The following FGFR1 variants were observed in gnomAD, a reference collection of about 807,000 sequenced individuals.
The protein encoded by FGFR1 is FGFR1/PLAG1 fusion.
FGFR1 carries 18 observed loss-of-function variants against 93.7 expected under a neutral mutation model. The ratio of observed to expected loss-of-function variants is 0.19; its 90% CI spans 0.13 to 0.28. FGFR1 has a LOEUF of 0.28. FGFR1 is among the 10% of genes least tolerant of loss of function. FGFR1 has a pLI of 1.00. For missense variants in FGFR1, 731 were observed against 1,080.4 expected, an observed-to-expected ratio of 0.68 and a Z score of 4.53; for synonymous variants, 448 against 429.3, an observed-to-expected ratio of 1.04 and a Z score of -0.54.
chr8:38,442,078 G>A (rs1429523113), intron 2 of FGFR1, among the ~76,000 whole-genome samples: 1 of 152,116 alleles, frequency 6.6e-6, no homozygotes, highest in Admixed American at 6.5e-5. Context: ...AACTGCCCCG[G>A]ATACCCTGGG....
At chr8:38,436,049 C>T (rs955464211) in intron 2 of FGFR1, among the ~76,000 whole-genome samples, 1 of 152,132 alleles carries the variant, frequency 6.6e-6, no homozygotes, top group African/African-American at 2.4e-5. Context: ...ACTGGCTGTT[C>T]ACTATTACAG....
At chr8:38,422,965 C>T (rs1819359579) in intron 7 of FGFR1, 2 of 768,096 alleles carry the variant, frequency 2.6e-6, no homozygotes, top group Non-Finnish European at 4.9e-6. Flanking sequence ...CCCGCCTGCC[C>T]CAGCAGCTTG....
At chr8:38,423,289 A>G in intron 7 of FGFR1, 1 of 582,170 alleles carries the variant, frequency 1.7e-6, no homozygotes, top group Non-Finnish European at 3.1e-6. Context: ...ATGTTAAGTG[A>G]GATTTATTAC....
At chr8:38,452,196 CACAG>C (rs1221808125) in intron 2 of FGFR1, among the ~76,000 whole-genome samples, 23 of 96,754 alleles carry the variant, frequency 2.4e-4, no homozygotes, top group African/African-American at 6.9e-4. Flanking sequence ...CACACAGACA[CACAG>C]ACACACACAC....
intron 2 of FGFR1, among the ~76,000 whole-genome samples, chr8:38,432,908 G>GCC (rs752109045): frequency 1.1e-3 from 50 of 47,474 alleles, no homozygotes; most frequent in South Asian, 4.2e-3. Context: ...TCCCCACCGC[G>GCC]CCCCCCCCCC....
At chr8:38,448,139 A>T (rs1225808976) in intron 2 of FGFR1, among the ~76,000 whole-genome samples, 5 of 152,234 alleles carry the variant, frequency 3.3e-5, no homozygotes, top group Admixed American at 3.3e-4. Flanking sequence ...TAAATGCAAG[A>T]AAAAAGTCTA....
At position 38,429,645 on chromosome 8, in the gene FGFR1, G is replaced by A. The variant is rs1277935252; in HGVS notation, c.358+37C>T. On this transcript the variant is annotated intron_variant, in intron 3 of 17. Coordinates refer to ENST00000447712, the MANE Select transcript of FGFR1 (RefSeq NM_023110.3). The surrounding 1 kb of genome is among the most constrained non-coding windows in gnomAD (Gnocchi z 4.4). Reference sequence around the variant, plus strand: ...TGGCAGAGAGGGCTGGAGGGGGTGGGTCTAGGGAGGGGCAAGGGCAGGGCT... The same window carrying A: ...TGGCAGAGAGGGCTGGAGGGGGTGGATCTAGGGAGGGGCAAGGGCAGGGCT... The A allele has an allele frequency of 1.3e-6, 2 of 1,551,320 alleles. No individual in the cohort carries two copies. The highest frequency in any genetic ancestry group is 2.4e-5 in the South Asian group (2 of 83,936).
chr8:38,455,168 G>T (rs1217173744), intron 2 of FGFR1, among the ~76,000 whole-genome samples: 1 of 151,940 alleles, frequency 6.6e-6, no homozygotes, highest in Admixed American at 6.6e-5. Flanking sequence ...TAGACACAGG[G>T]TCTCATCATG....
Position 38,431,652 on chromosome 8 carries a change from T to TG in FGFR1, c.92-1705dup, listed in dbSNP as rs887283833. Among the ~76,000 whole-genome samples, 14 of 152,118 alleles carry TG rather than the reference T, an allele frequency of 9.2e-5. 1 individual carries two copies. The highest frequency in any genetic ancestry group is 2.1e-4 in the South Asian group (1 of 4,814). On this transcript the variant is annotated intron_variant, in intron 2 of 17. Transcript: ENST00000447712. ...GACAGGGACTGACAGTGGTTTCTCT[T>TG]GGGGGGGCCAAGGTTGCAGACCCAG...
rs1563527004 is a variant in FGFR1 at position 38,432,409 on chromosome 8, A to AG, written c.92-2462_92-2461insC. On this transcript the variant is annotated intron_variant, in intron 2 of 17. Coordinates refer to ENST00000447712, the MANE Select transcript of FGFR1 (RefSeq NM_023110.3). ...CCTTTACCGGAACCATCTCGGGATA[A>AG]ATTTTTTTTTTTTTTTTTTTTGAGA... is the stretch of plus-strand genomic sequence containing the variant. Among the ~76,000 whole-genome samples, 4 of 148,598 alleles carry AG rather than the reference A, an allele frequency of 2.7e-5. No individual in the cohort carries two copies. In the East Asian group the frequency reaches 7.8e-4, roughly 29 times the overall value.
chr8:38,444,505 C>T (rs577276528), intron 2 of FGFR1, among the ~76,000 whole-genome samples: 1 of 151,804 alleles, frequency 6.6e-6, no homozygotes, highest in Admixed American at 6.6e-5. Flanking sequence ...CCCCCCACCT[C>T]AGCCCCCCAA....
intron 1 of FGFR1, among the ~76,000 whole-genome samples, chr8:38,467,322 T>C (rs1835779223): frequency 6.6e-6 from 1 of 151,718 alleles, no homozygotes. Context: ...ATTCAGCCAT[T>C]TGGTGACGAC....
At chr8:38,416,135 C>T (rs1468182555) in intron 12 of FGFR1, 75 bp from the exon 13 acceptor site, 1 of 1,345,508 alleles carries the variant, frequency 7.4e-7, no homozygotes, top group Non-Finnish European at 1.0e-6. Context: ...AGAAACCCCA[C>T]CCCCAGCAGC....
intron 2 of FGFR1, among the ~76,000 whole-genome samples, chr8:38,450,938 C>G (rs1035264291): frequency 6.6e-6 from 1 of 152,070 alleles, no homozygotes; most frequent in Non-Finnish European, 1.5e-5. Context: ...TCTCACAGGC[C>G]GAGGGCTGGG....
intron 1 of FGFR1, chr8:38,466,546 G>A (rs1272121800): frequency 1.3e-5 from 3 of 230,790 alleles, no homozygotes; most frequent in South Asian, 1.8e-4. Flanking sequence ...ACCCACCAGC[G>A]GCGGCGAATA....
Position 38,468,035 on chromosome 8 carries a change from G to C in FGFR1, c.-143C>G, listed in dbSNP as rs1401284715. 1 of 222,112 alleles carries C rather than the reference G, an allele frequency of 4.5e-6. No homozygotes were observed. The highest frequency in any genetic ancestry group is 6.4e-5 in the East Asian group (1 of 15,606). 13.8% of individuals were successfully genotyped at this position (222,112 alleles called of 1,614,324 possible). On this transcript the variant is annotated 5_prime_UTR_variant, in exon 1 of 18. Transcript: ENST00000447712. ...AGAGTCCGCCGTGGCTTGTGCGAGC[G>C]GGCGTGTGCCCGCGTCCCCGGCTCC...
In FGFR1 at chr8:38,424,879, T is replaced by G. The variant is rs1282535679; in HGVS notation, c.746-180A>C. Among the ~76,000 whole-genome samples the G allele has an allele frequency of 6.6e-6, 1 of 152,208 alleles. No homozygotes were observed. Among genetic ancestry groups the G allele is most frequent in the African/African-American group, 2.4e-5 (1 of 41,460 alleles). On this transcript the variant is annotated intron_variant, in intron 6 of 17. Transcript: ENST00000447712. The surrounding 1 kb of genome is among the most constrained non-coding windows in gnomAD (Gnocchi z 4.3). Reference sequence around the variant, plus strand: ...AAAGGGACACCCTCTCTTCAGGCCCTAAGCCATCAGGATCCTCCTCCCCAA... The same window carrying G: ...AAAGGGACACCCTCTCTTCAGGCCCGAAGCCATCAGGATCCTCCTCCCCAA...
chr8:38,427,984 G>A lies in FGFR1; in HGVS notation c.558C>T (p.Pro186=), dbSNP rs2150912488. The change falls in exon 5 of 18, where the codon CCC becomes CCT. Residue 186 remains proline (P), a synonymous_variant. Transcript: ENST00000447712. ...FKCPSSGTPN[P]TLRWLKNGKE... Reference sequence around the variant, plus strand: ...TGCCATTTTTCAACCAGCGCAGTGTGGGGTTTGGGGTCCCACTGGAAGGGC... The same window carrying A: ...TGCCATTTTTCAACCAGCGCAGTGTAGGGTTTGGGGTCCCACTGGAAGGGC... The A allele has an allele frequency of 6.2e-7, 1 of 1,614,266 alleles. No homozygotes were observed.
At chr8:38,453,174 G>A (rs1459107578) in intron 2 of FGFR1, among the ~76,000 whole-genome samples, 1 of 152,154 alleles carries the variant, frequency 6.6e-6, no homozygotes, top group Non-Finnish European at 1.5e-5. Flanking sequence ...CTATGTGAAA[G>A]CACCACACTC....
Sources: allele counts gnomAD v4.1 joint callset (sites outside exome capture counted in the v4.1 genomes callset), GRCh38; gene constraint gnomAD v4.1.1; non-coding constraint Gnocchi (gnomAD v3.1); transcripts MANE v1.5; gene names NCBI Gene and HGNC (gene_info 2026-07-23, HGNC 2026-07-21).